The following MYADM variants were observed in gnomAD, a reference collection of about 807,000 sequenced individuals.
MYADM encodes myeloid associated differentiation marker, also known as myeloid-associated differentiation marker.
For synonymous variants in MYADM, 224 were observed against 210.2 expected (o/e 1.07, Z -0.57); for missense variants, 416 against 443.4 (o/e 0.94, Z 0.56).
chr19:53,873,782 G>A lies in MYADM; in HGVS notation c.253G>A (p.Val85Met), dbSNP rs756719837. ...CFSVTLIILI[V>M]ELCGLQARFP... ...CTCCGTGACCCTGATCATCCTCATC[G>A]TGGAGCTGTGCGGGCTCCAGGCCCG... The change falls in exon 3 of 3, where the codon GTG (valine) becomes ATG (methionine). Residue 85 changes from valine to methionine, a missense_variant. Coordinates refer to ENST00000391770, the MANE Select transcript of MYADM (RefSeq NM_138373.5). This position sits in a 1 kb window ranked among gnomAD's most constrained non-coding sequence, Gnocchi z 4.3. 7 of 1,613,712 alleles carry A rather than the reference G, an allele frequency of 4.3e-6. No homozygotes were observed. The highest frequency in any genetic ancestry group is 3.3e-5 in the South Asian group (3 of 91,090).
Position 53,875,356 on chromosome 19 carries a change from T to G in MYADM, c.*858T>G, listed in dbSNP as rs1452613887. ...TATATATATTTGGAGGTCAGTAATT[T>G]CCAATGGGCGGGAGGCTTTAAGCAC... On this transcript the variant is annotated 3_prime_UTR_variant, in exon 3 of 3. Transcript: ENST00000391770. 1 of 166,618 alleles carries G rather than the reference T, an allele frequency of 6.0e-6. No homozygotes were observed. The highest frequency in any genetic ancestry group is 1.5e-5 in the Non-Finnish European group (1 of 68,044). The allele number at this position is 166,618 out of a possible 1,614,324, so 10.3% of individuals were successfully genotyped here.
chr19:53,875,199 CGTGT>C lies in MYADM; in HGVS notation c.*730_*733del, dbSNP rs3835132. 843 of 137,422 alleles carry C rather than the reference CGTGT, an allele frequency of 6.1e-3. 10 individuals carry two copies. Among genetic ancestry groups the C allele is most frequent in the African/African-American group, 0.026 (779 of 29,404 alleles). The allele number at this position is 137,422 out of a possible 1,614,324, so 8.5% of individuals were successfully genotyped here. ...CTCGCTGTGCCTTAGTCAGTGTGTA[CGTGT>C]GTGTGTGTGTGTGTGTGTGTGTGTG... On this transcript the variant is annotated 3_prime_UTR_variant, in exon 3 of 3. Transcript: ENST00000391770.
intron 2 of MYADM, among the ~76,000 whole-genome samples, chr19:53,871,646 G>T (rs2068391324): frequency 6.6e-6 from 1 of 152,022 alleles, no homozygotes; most frequent in African/African-American, 2.4e-5. Flanking sequence ...TATTAGATGT[G>T]GGTCCCTGAG....
chr19:53,874,349 T>C lies in MYADM; in HGVS notation c.820T>C (p.Ser274Pro), dbSNP rs1244900042. ...DEKYGGQPRR[S>P]RDVSCSRSHA... ...GAAGTATGGCGGCCAGCCTCGGCGC[T>C]CGAGAGATGTAAGCTGCAGCCGCAG... The change falls in exon 3 of 3, where the codon TCG (serine) becomes CCG (proline). Residue 274 changes from serine (S) to proline (P), a missense_variant. By Grantham distance (74) the Ser-to-Pro change is moderately conservative. Coordinates refer to ENST00000391770, the MANE Select transcript of MYADM (RefSeq NM_138373.5). 1.2e-6 allele frequency: 2 copies of C among 1,613,792 alleles called. No individual in the cohort carries two copies. The highest frequency in any genetic ancestry group is 1.1e-5 in the South Asian group (1 of 91,070).
rs1229268197 is a variant in MYADM, at chr19:53,873,766, C to G, written c.237C>G (p.Thr79=). The G allele has an allele frequency of 6.2e-7, 1 of 1,613,988 alleles. No individual in the cohort carries two copies. The highest frequency in any genetic ancestry group is 2.2e-5 in the East Asian group (1 of 44,864). The change falls in exon 3 of 3, where the codon ACC becomes ACG. Residue 79 remains threonine (T), a synonymous_variant. Coordinates refer to ENST00000391770, the MANE Select transcript of MYADM (RefSeq NM_138373.5). This position sits in a 1 kb window ranked among gnomAD's most constrained non-coding sequence, Gnocchi z 4.3. ...MFTWCFCFSV[T]LIILIVELCG... ...CCTGGTGCTTCTGCTTCTCCGTGAC[C>G]CTGATCATCCTCATCGTGGAGCTGT...
chr19:53,874,390 G>A lies in MYADM; in HGVS notation c.861G>A (p.Val287=). ...GCAGCCGCAGCCATGCCTACTACGT[G>A]TGTGCCTGGGACCGCCGACTGGCTG... The part of the protein sequence containing the change: ...VSCSRSHAYY[V]CAWDRRLAVA... The change falls in exon 3 of 3, where the codon GTG becomes GTA. Residue 287 remains valine, a synonymous_variant. Coordinates refer to ENST00000391770, the MANE Select transcript of MYADM (RefSeq NM_138373.5). The A allele has an allele frequency of 1.2e-6, 2 of 1,614,236 alleles. No individual in the cohort carries two copies. Among genetic ancestry groups the A allele is most frequent in the Non-Finnish European group, 1.7e-6 (2 of 1,180,038 alleles).
Position 53,874,588 on chromosome 19 carries a change from T to C in MYADM, c.*90T>C, listed in dbSNP as rs2068483976. The C allele has an allele frequency of 2.8e-6, 4 of 1,410,148 alleles. No individual in the cohort carries two copies. Among genetic ancestry groups the C allele is most frequent in the Non-Finnish European group, 3.8e-6 (4 of 1,053,388 alleles). 87.4% of individuals were successfully genotyped at this position (1,410,148 alleles called of 1,614,324 possible). A position where few individuals can be genotyped will look rare whatever the true frequency, so the allele number is the denominator to read the frequency against. On this transcript the variant is annotated 3_prime_UTR_variant, in exon 3 of 3. Transcript: ENST00000391770. ...ATGGAGTACTTCTTTCCTCCGCCTTTCCTCTGTTTTCCTCTTCCTGTCTCC... is the reference window on the plus strand; with the variant it reads ...ATGGAGTACTTCTTTCCTCCGCCTTCCCTCTGTTTTCCTCTTCCTGTCTCC...
At position 53,874,102 on chromosome 19, in the gene MYADM, C is replaced by T. The variant is rs1339671305; in HGVS notation, c.573C>T (p.Ile191=). ...TFVACIIFAF[I]SDPNLYQHQP... ...TTGCCTGCATCATCTTCGCGTTCAT[C>T]AGCGACCCCAACCTGTACCAGCACC... Residue 191 remains isoleucine, a synonymous_variant, in exon 3 of 3, where the codon ATC becomes ATT. Transcript: ENST00000391770. The T allele has an allele frequency of 6.2e-7, 1 of 1,612,654 alleles. No homozygotes were observed. The highest frequency in any genetic ancestry group is 8.5e-7 in the Non-Finnish European group (1 of 1,180,038).
chr19:53,874,368 G>T lies in MYADM; in HGVS notation c.839G>T (p.Ser280Ile). ...QPRRSRDVSCSRSHAYYVCAW... is the reference protein window; with the variant it reads ...QPRRSRDVSCIRSHAYYVCAW... ...CGGCGCTCGAGAGATGTAAGCTGCA[G>T]CCGCAGCCATGCCTACTACGTGTGT... Residue 280 changes from serine (S) to isoleucine (I), a missense_variant, in exon 3 of 3, where the codon AGC becomes ATC. Transcript: ENST00000391770. The T allele has an allele frequency of 6.2e-7, 1 of 1,614,156 alleles. No homozygotes were observed. The highest frequency in any genetic ancestry group is 8.5e-7 in the Non-Finnish European group (1 of 1,179,988).
chr19:53,866,828 C>G (rs1316979533), upstream of MYADM, among the ~76,000 whole-genome samples: 5 of 152,174 alleles, frequency 3.3e-5, no homozygotes, highest in Non-Finnish European at 7.3e-5. The surrounding 1 kb of genome is among the most constrained non-coding windows in gnomAD (Gnocchi z 4.3). Context: ...TTATGATGAT[C>G]ATGATGATTT....
upstream of MYADM, among the ~76,000 whole-genome samples, chr19:53,867,731 T>C (rs1161793378): frequency 1.3e-5 from 2 of 152,074 alleles, no homozygotes; most frequent in African/African-American, 2.4e-5. Flanking sequence ...GGGGGCGTGG[T>C]CTGCTCTTGG....
chr19:53,867,711 T>G (rs1290682928), upstream of MYADM, among the ~76,000 whole-genome samples: 5 of 152,128 alleles, frequency 3.3e-5, no homozygotes. Context: ...TCCACGCTAC[T>G]TTTACTCTGG....
upstream of MYADM, among the ~76,000 whole-genome samples, chr19:53,867,085 C>A (rs1448310381): frequency 6.6e-6 from 1 of 152,156 alleles, no homozygotes; most frequent in Non-Finnish European, 1.5e-5. Flanking sequence ...ACACACCCCA[C>A]CCCTATCCAC....
chr19:53,870,203 T>G (rs10415309), intron 2 of MYADM, among the ~76,000 whole-genome samples: 2 of 62,880 alleles, frequency 3.2e-5, no homozygotes, highest in African/African-American at 1.7e-4. Flanking sequence ...TCTGGACTCC[T>G]GGGTCCGAGG....
chr19:53,876,144 G>C lies in MYADM; in HGVS notation c.*1646G>C, dbSNP rs962952213. 6.0e-6 allele frequency: 1 copy of C among 166,894 alleles called. No individual in the cohort carries two copies. The highest frequency in any genetic ancestry group is 2.4e-5 in the African/African-American group (1 of 41,392). 10.3% of individuals were successfully genotyped at this position (166,894 alleles called of 1,614,324 possible). ...TAGGTGGGAGGGTGGGGATTGCTGC[G>C]TCCTAGCTAGAGGAATGGCTTTGCT... On this transcript the variant is annotated 3_prime_UTR_variant, in exon 3 of 3. Transcript: ENST00000391770.
upstream of MYADM, chr19:53,866,359 C>T (rs554094195): frequency 1.3e-5 from 2 of 152,004 alleles, no homozygotes; most frequent in African/African-American, 2.4e-5. The surrounding 1 kb of genome is among the most constrained non-coding windows in gnomAD (Gnocchi z 4.3). Context: ...CAGCCGCCAC[C>T]AGGCCCCGCC....
At position 53,875,231 on chromosome 19, in the gene MYADM, T is replaced by TGTGTGTGTGTG. The variant is rs2068506376; in HGVS notation, c.*733_*734insGTGTGTGTGTG. 9.9e-6 allele frequency: 1 copy of TGTGTGTGTGTG among 100,992 alleles called. No homozygotes were observed. The highest frequency in any genetic ancestry group is 3.6e-5 in the African/African-American group (1 of 28,002). 6.3% of individuals were successfully genotyped at this position (100,992 alleles called of 1,614,324 possible). ...GTGTGTGTGTGTGTGTGTGTGTGTG[T>TGTGTGTGTGTG]TTGGGGGGTGGGGGGTGGGTAGCTG... On this transcript the variant is annotated 3_prime_UTR_variant, in exon 3 of 3. Coordinates refer to ENST00000391770, the MANE Select transcript of MYADM (RefSeq NM_138373.5).
rs959918506 is a variant in MYADM, at chr19:53,868,480, C to T, written c.-88+537C>T. Among the ~76,000 whole-genome samples the T allele has an allele frequency of 2.0e-5, 3 of 151,918 alleles. No homozygotes were observed. Among genetic ancestry groups the T allele is most frequent in the African/African-American group, 7.3e-5 (3 of 41,346 alleles). On this transcript the variant is annotated intron_variant, in intron 1 of 2. Coordinates refer to ENST00000391770, the MANE Select transcript of MYADM (RefSeq NM_138373.5). The surrounding 1 kb of genome is among the most constrained non-coding windows in gnomAD (Gnocchi z 6.3). ...TCAGAATTACTGACCCCTCCCCATCCAGGGGACAGACAGAATCGGAACTTT... is the reference window on the plus strand; with the variant it reads ...TCAGAATTACTGACCCCTCCCCATCTAGGGGACAGACAGAATCGGAACTTT...
rs1284009503 is a variant in MYADM at position 53,876,372 on chromosome 19, C to T, written c.*1874C>T. 1.2e-5 allele frequency: 2 copies of T among 166,504 alleles called. No individual in the cohort carries two copies. Among genetic ancestry groups the T allele is most frequent in the Admixed American group, 6.6e-5 (1 of 15,208 alleles). 10.3% of individuals were successfully genotyped at this position (166,504 alleles called of 1,614,324 possible). Reference sequence around the variant, plus strand: ...GTTGTTAATCGTAGAACCGTTGTCCCTTCCCCCATTCCCGTATCCATCATG... The same window carrying T: ...GTTGTTAATCGTAGAACCGTTGTCCTTTCCCCCATTCCCGTATCCATCATG... On this transcript the variant is annotated 3_prime_UTR_variant, in exon 3 of 3. Coordinates refer to ENST00000391770, the MANE Select transcript of MYADM (RefSeq NM_138373.5).
Sources: allele counts gnomAD v4.1 joint callset (sites outside exome capture counted in the v4.1 genomes callset), GRCh38; gene constraint gnomAD v4.1.1; non-coding constraint Gnocchi (gnomAD v3.1); transcripts MANE v1.5; gene names NCBI Gene and HGNC (gene_info 2026-07-23, HGNC 2026-07-21).